The following OR13G1 variants were observed in gnomAD, a reference collection of about 807,000 sequenced individuals.
OR13G1 encodes the protein olfactory receptor 13G1.
For synonymous variants in OR13G1, 128 were observed against 136.2 expected, an observed-to-expected ratio of 0.94 and a Z score of 0.42; for missense variants, 369 against 385.7, an observed-to-expected ratio of 0.96 and a Z score of 0.36.
chr1:247,675,622 A>C (rs1208018619), intron 1 of OR13G1, among the ~76,000 whole-genome samples: 1 of 152,146 alleles, frequency 6.6e-6, no homozygotes, highest in Non-Finnish European at 1.5e-5. Flanking sequence ...TGAACCTGGA[A>C]TGACACTGTG....
At position 247,671,090 on chromosome 1, in the gene OR13G1, T is replaced by C. The variant is rs1659192324; in HGVS notation, c.*1028A>G. The C allele has an allele frequency of 6.6e-6, 1 of 152,162 alleles. No homozygotes were observed. 9.4% of individuals were successfully genotyped at this position (152,162 alleles called of 1,614,324 possible). A position where few individuals can be genotyped will look rare whatever the true frequency, so the allele number is the denominator to read the frequency against. On this transcript the variant is annotated 3_prime_UTR_variant, in exon 2 of 2. Coordinates refer to ENST00000642119, the MANE Select transcript of OR13G1 (RefSeq NM_001005487.2). ...GATACTCATAGCAACTGCCATAGTATAGACACCCATTTCTCATCCCATCTA... is the reference window on the plus strand; with the variant it reads ...GATACTCATAGCAACTGCCATAGTACAGACACCCATTTCTCATCCCATCTA...
In OR13G1 at chr1:247,672,686, C is replaced by T. The variant is rs781740514; in HGVS notation, c.356G>A (p.Arg119His). The change falls in exon 2 of 2, where the codon CGC becomes CAC. Residue 119 changes from arginine (R) to histidine (H), a missense_variant. Arg to His is a conservative substitution (Grantham distance 29). Coordinates refer to ENST00000642119, the MANE Select transcript of OR13G1 (RefSeq NM_001005487.2). ...AAGAGGGAAACAAATGGCCACATAG[C>T]GGTCATAGGCCATGGTGGTGAAGAG... is the stretch of plus-strand genomic sequence containing the variant. ...MVLFTTMAYD[R>H]YVAICFPLHY... The T allele has an allele frequency of 1.7e-5, 27 of 1,613,782 alleles. No homozygotes were observed. The highest frequency in any genetic ancestry group is 4.5e-5 in the East Asian group (2 of 44,878).
At chr1:247,674,922 AT>A (rs1340840749) in intron 1 of OR13G1, among the ~76,000 whole-genome samples, 1 of 152,212 alleles carries the variant, frequency 6.6e-6, no homozygotes, top group Non-Finnish European at 1.5e-5. Flanking sequence ...AAGAATATGG[AT>A]TTTTATTTTG....
Position 247,672,389 on chromosome 1 carries a change from A to G in OR13G1, c.653T>C (p.Ile218Thr), listed in dbSNP as rs1659225979. The G allele has an allele frequency of 6.2e-7, 1 of 1,614,120 alleles. No homozygotes were observed. The highest frequency in any genetic ancestry group is 8.5e-7 in the Non-Finnish European group (1 of 1,179,988). ...GCGGATACGGAGAATAGCAACAATG[A>G]TAAAACCATAGGAGATGCAGGTAAG... ...FILTCISYGF[I>T]IVAILRIRTV... The change falls in exon 2 of 2, where the codon ATC (isoleucine) becomes ACC (threonine). Residue 218 changes from isoleucine to threonine, a missense_variant. By Grantham distance (89) the Ile-to-Thr change is moderately conservative (BLOSUM62 -1). Transcript: ENST00000642119.
intron 1 of OR13G1, among the ~76,000 whole-genome samples, chr1:247,677,346 T>C (rs1659366464): frequency 6.6e-6 from 1 of 152,188 alleles, no homozygotes; most frequent in African/African-American, 2.4e-5. Flanking sequence ...GGGAGAAATT[T>C]TAGATTTCTG....
At chr1:247,675,698 T>C (rs1659332650) in intron 1 of OR13G1, among the ~76,000 whole-genome samples, 1 of 152,136 alleles carries the variant, frequency 6.6e-6, no homozygotes, top group Admixed American at 6.5e-5. Flanking sequence ...TGTCCATCAT[T>C]GGCTTAAGGT....
rs28654221 is a variant in OR13G1, at chr1:247,671,818, A to G, written c.*300T>C. ...TTGCATGTATGATGTGCACATGCACATATAGGTAAATATTTGTGTATATGC... is the reference window on the plus strand; with the variant it reads ...TTGCATGTATGATGTGCACATGCACGTATAGGTAAATATTTGTGTATATGC... On this transcript the variant is annotated 3_prime_UTR_variant, in exon 2 of 2. Transcript: ENST00000642119. The G allele has an allele frequency of 0.34, 107,349 of 318,850 alleles. 18,509 individuals are homozygous for G. Among genetic ancestry groups the G allele is most frequent in the Middle Eastern group, 0.39 (412 of 1,064 alleles). 19.8% of individuals were successfully genotyped at this position (318,850 alleles called of 1,614,324 possible).
At chr1:247,679,301 C>T (rs901582772) in intron 1 of OR13G1, among the ~76,000 whole-genome samples, 2 of 152,118 alleles carry the variant, frequency 1.3e-5, no homozygotes, top group East Asian at 1.9e-4. Flanking sequence ...ATTCCCATAA[C>T]TTGGTAAAGT....
At chr1:247,675,477 G>A (rs1476361386) in intron 1 of OR13G1, among the ~76,000 whole-genome samples, 5 of 152,254 alleles carry the variant, frequency 3.3e-5, no homozygotes, top group African/African-American at 1.2e-4. Flanking sequence ...AAAGGCAAGG[G>A]AACCTGAGGA....
chr1:247,672,423 C>G lies in OR13G1; in HGVS notation c.619G>C (p.Asp207His). Residue 207 changes from aspartate to histidine, a missense_variant, in exon 2 of 2, where the codon GAC becomes CAC. By Grantham distance (81) the Asp-to-His change is moderately conservative (BLOSUM62 -1). Coordinates refer to ENST00000642119, the MANE Select transcript of OR13G1 (RefSeq NM_001005487.2). The part of the protein sequence containing the change: ...YVADITLAIG[D>H]FILTCISYGF... ...TAGGAGATGCAGGTAAGAATAAAGT[C>G]CCCTATGGCCAGGGTAATATCAGCA... 6.2e-7 allele frequency: 1 copy of G among 1,614,066 alleles called. No homozygotes were observed. The highest frequency in any genetic ancestry group is 1.6e-4 in the Middle Eastern group (1 of 6,062).
At chr1:247,673,356 G>A in intron 1 of OR13G1, 77 bp from the exon 2 acceptor site, 1 of 295,278 alleles carries the variant, frequency 3.4e-6, no homozygotes, top group Non-Finnish European at 6.1e-6. Context: ...CTTAAAACTT[G>A]TCTAAATACA....
chr1:247,678,071 C>T (rs145320378), intron 1 of OR13G1, among the ~76,000 whole-genome samples: 5,404 of 152,194 alleles, frequency 0.036, 131 homozygotes, highest in Middle Eastern at 0.12. Context: ...CCATTGCACT[C>T]CGACCTGGGC....
rs1292131354 is a variant in OR13G1, at chr1:247,672,218, T to G, written c.824A>C (p.Tyr275Ser). 2 of 1,614,050 alleles carry G rather than the reference T, an allele frequency of 1.2e-6. No homozygotes were observed. The highest frequency in any genetic ancestry group is 1.7e-6 in the Non-Finnish European group (2 of 1,179,974). Residue 275 changes from tyrosine (Y) to serine (S), a missense_variant, in exon 2 of 2, where the codon TAT (tyrosine) becomes TCT (serine). Tyr to Ser is a moderately radical substitution (Grantham distance 144). Coordinates refer to ENST00000642119, the MANE Select transcript of OR13G1 (RefSeq NM_001005487.2). ...FERDKVVAAL[Y>S]TLVTPTLNPM... is the part of the protein sequence containing the mutation. ...GTTTAATGTGGGAGTCACAAGAGTA[T>G]AGAGTGCAGCTACCACCTTGTCTCT...
intron 1 of OR13G1, among the ~76,000 whole-genome samples, chr1:247,674,789 T>TAAC (rs1659309583): frequency 6.6e-6 from 1 of 152,120 alleles, no homozygotes; most frequent in South Asian, 2.1e-4. Context: ...GTGCCAGGAT[T>TAAC]AACACCTAGA....
intron 1 of OR13G1, among the ~76,000 whole-genome samples, chr1:247,674,747 A>T (rs758589676): frequency 1.5e-5 from 2 of 136,934 alleles, no homozygotes; most frequent in African/African-American, 2.5e-5. Context: ...ATGGGAGTAA[A>T]AATAATAGTA....
chr1:247,672,865 G>A lies in OR13G1; in HGVS notation c.177C>T (p.Phe59=). ...NNTLHTPMYV[F]LLTLAVVDII... is the part of the protein sequence containing the mutation. ...TGTCCACAACAGCCAGTGTCAGAAG[G>A]AAAACATACATGGGCGTATGCAAGG... is the stretch of plus-strand genomic sequence containing the variant. Residue 59 remains phenylalanine, a synonymous_variant, in exon 2 of 2, where the codon TTC becomes TTT. Transcript: ENST00000642119. 1 of 1,614,056 alleles carries A rather than the reference G, an allele frequency of 6.2e-7. No homozygotes were observed. Among genetic ancestry groups the A allele is most frequent in the South Asian group, 1.1e-5 (1 of 91,068 alleles).
rs1238007215 is a variant in OR13G1 at position 247,671,534 on chromosome 1, T to C, written c.*584A>G. The C allele has an allele frequency of 6.5e-6, 1 of 154,918 alleles. No individual in the cohort carries two copies. Among genetic ancestry groups the C allele is most frequent in the Non-Finnish European group, 1.4e-5 (1 of 69,798 alleles). The allele number at this position is 154,918 out of a possible 1,614,324, so 9.6% of individuals were successfully genotyped here. On this transcript the variant is annotated 3_prime_UTR_variant, in exon 2 of 2. Coordinates refer to ENST00000642119, the MANE Select transcript of OR13G1 (RefSeq NM_001005487.2). ...TTAAAAGGACTGGAGTAATATTCTG[T>C]CACTTTTTCCTGAACACATGGAGAC...
intron 1 of OR13G1, among the ~76,000 whole-genome samples, chr1:247,674,284 A>T (rs1051705844): frequency 6.6e-6 from 1 of 152,242 alleles, no homozygotes; most frequent in Non-Finnish European, 1.5e-5. Context: ...TAGTGAAAGT[A>T]TTCAAAATAG....
chr1:247,676,437 G>A (rs1659346906), intron 1 of OR13G1, among the ~76,000 whole-genome samples: 1 of 151,816 alleles, frequency 6.6e-6, no homozygotes, highest in South Asian at 2.1e-4. Context: ...GATTGGGTTA[G>A]GGCAATAAAA....
Sources: gnomAD v4.1 joint callset for allele counts (sites outside exome capture counted in the v4.1 genomes callset) on GRCh38, gnomAD v4.1.1 for gene constraint, MANE v1.5 for transcripts, NCBI Gene and HGNC (gene_info 2026-07-23, HGNC 2026-07-21) for gene names.